Variants in TYR observed in about 807,000 individuals in gnomAD.
TYR encodes the protein tyrosinase, also known as LB24-AB.
TYR carries 58 observed loss-of-function variants against 51.5 expected under a neutral mutation model. That is an observed-to-expected ratio of 1.13 (90% CI 0.91 to 1.40). The LOEUF (loss-of-function observed/expected upper bound fraction) is 1.40. TYR is among the 40% of genes most tolerant of loss of function. TYR has a pLI of 0.00. For missense variants in TYR, 732 were observed against 647.4 expected, an observed-to-expected ratio of 1.13 and a Z score of -1.42; for synonymous variants, 263 against 235.2, an observed-to-expected ratio of 1.12 and a Z score of -1.08.
intron 3 of TYR, among the ~76,000 whole-genome samples, chr11:89,270,634 A>C (rs1008752714): frequency 6.6e-6 from 1 of 151,912 alleles, no homozygotes; most frequent in Non-Finnish European, 1.5e-5. Context: ...CCAAGTTCTG[A>C]TATCTAAACA....
intron 2 of TYR, 29 bp from the exon 3 acceptor site, chr11:89,227,794 T>C (rs1211670039): frequency 1.2e-6 from 2 of 1,601,202 alleles, no homozygotes; most frequent in Non-Finnish European, 1.7e-6. Flanking sequence ...AAAGTAAACA[T>C]ATTTTTTTCA....
chr11:89,274,873 G>C (rs1178002895), intron 3 of TYR, among the ~76,000 whole-genome samples: 1 of 151,680 alleles, frequency 6.6e-6, no homozygotes, highest in Non-Finnish European at 1.5e-5. Flanking sequence ...TTCACTGCCT[G>C]TTGTCAATGT....
intron 4 of TYR, among the ~76,000 whole-genome samples, chr11:89,289,081 T>C (rs949760992): frequency 6.6e-6 from 1 of 152,042 alleles, no homozygotes; most frequent in African/African-American, 2.4e-5. Flanking sequence ...CTCATATGTA[T>C]AACTAATTTA....
chr11:89,294,770 A>G (rs1353220489), intron 4 of TYR, among the ~76,000 whole-genome samples: 2 of 152,234 alleles, frequency 1.3e-5, no homozygotes, highest in African/African-American at 4.8e-5. Context: ...GGATTAGTGA[A>G]TGGTTAATGA....
chr11:89,250,768 AAAAACTT>A (rs1944323190), intron 3 of TYR, among the ~76,000 whole-genome samples: 1 of 151,912 alleles, frequency 6.6e-6, no homozygotes. Context: ...TAAGGTCTTT[AAAAACTT>A]TATCTTAAAA....
intron 3 of TYR, among the ~76,000 whole-genome samples, chr11:89,245,919 T>A (rs1944261361): frequency 9.3e-6 from 1 of 107,820 alleles, no homozygotes; most frequent in African/African-American, 3.7e-5. Flanking sequence ...AGACTCCATC[T>A]CAAAAAAAAA....
chr11:89,230,783 C>T (rs1944036137), intron 3 of TYR, among the ~76,000 whole-genome samples: 1 of 151,758 alleles, frequency 6.6e-6, no homozygotes, highest in Non-Finnish European at 1.5e-5. Flanking sequence ...AAAAGATGCT[C>T]AACATCACTA....
In TYR at chr11:89,226,056, A is replaced by C. The variant is rs552487062; in HGVS notation, c.1037-1767A>C. Among the ~76,000 whole-genome samples, 11 of 152,196 alleles carry C rather than the reference A, an allele frequency of 7.2e-5. No individual in the cohort carries two copies. In the South Asian group the frequency reaches 2.3e-3, roughly 31 times the overall value. On this transcript the variant is annotated intron_variant, in intron 2 of 4. Transcript: ENST00000263321. ...AAAAATCAGTTTGGGACCTACTTTA[A>C]AAAGTGTGAGAGTATACACTTTAAA...
intron 2 of TYR, among the ~76,000 whole-genome samples, chr11:89,225,406 C>A (rs1317257478): frequency 6.6e-6 from 1 of 151,676 alleles, no homozygotes; most frequent in African/African-American, 2.4e-5. Flanking sequence ...AATTTGTATC[C>A]TTAGACATAG....
At chr11:89,211,669 A>G (rs1943757923) in intron 2 of TYR, among the ~76,000 whole-genome samples, 1 of 151,432 alleles carries the variant, frequency 6.6e-6, no homozygotes, top group African/African-American at 2.4e-5. Context: ...GCACCACATC[A>G]CACTGTAAAA....
chr11:89,219,612 C>A (rs1309140636), intron 2 of TYR, among the ~76,000 whole-genome samples: 2 of 151,934 alleles, frequency 1.3e-5, no homozygotes, highest in Non-Finnish European at 1.5e-5. Context: ...TTAAAAGCAA[C>A]CTTTAGGATG....
intron 3 of TYR, among the ~76,000 whole-genome samples, chr11:89,249,837 G>T (rs1343227645): frequency 6.6e-6 from 1 of 152,004 alleles, no homozygotes; most frequent in Non-Finnish European, 1.5e-5. Context: ...GGAAAAAATT[G>T]CCACAGCAAG....
rs962091417 is a variant in TYR at position 89,263,010 on chromosome 11, G to A, written c.1185-21763G>A. Among the ~76,000 whole-genome samples the A allele has an allele frequency of 9.2e-5, 14 of 151,720 alleles. No homozygotes were observed. The East Asian group carries it at 2.7e-3, about 30-fold the overall frequency. ...GAACATTTCCTGACTTACTCTATGG[G>A]GCCAGTATTATCCTGTGAGCAAAGT... On this transcript the variant is annotated intron_variant, in intron 3 of 4. Coordinates refer to ENST00000263321, the MANE Select transcript of TYR (RefSeq NM_000372.5).
chr11:89,225,873 A>G (rs2135280437), intron 2 of TYR, among the ~76,000 whole-genome samples: 1 of 152,112 alleles, frequency 6.6e-6, no homozygotes, highest in East Asian at 1.9e-4. Flanking sequence ...ACACAAAGAA[A>G]AGATAAATGA....
At chr11:89,256,145 T>C (rs1298151550) in intron 3 of TYR, among the ~76,000 whole-genome samples, 1 of 151,804 alleles carries the variant, frequency 6.6e-6, no homozygotes, top group East Asian at 1.9e-4. Context: ...ATATTGTTAA[T>C]AAAACTGAAG....
chr11:89,249,483 A>AC (rs1222714164), intron 3 of TYR, among the ~76,000 whole-genome samples: 1 of 151,438 alleles, frequency 6.6e-6, no homozygotes, highest in Non-Finnish European at 1.5e-5. Context: ...AAAAAAAAAA[A>AC]AAAAAAACAG....
At chr11:89,234,182 C>G (rs1202760744) in intron 3 of TYR, among the ~76,000 whole-genome samples, 1 of 143,682 alleles carries the variant, frequency 7.0e-6, no homozygotes, top group East Asian at 2.0e-4. Context: ...GAAGACTTCT[C>G]TTTCCTTAAA....
intron 3 of TYR, among the ~76,000 whole-genome samples, chr11:89,271,962 G>A (rs542519027): frequency 1.4e-4 from 22 of 151,824 alleles, no homozygotes; most frequent in Non-Finnish European, 2.8e-4. Flanking sequence ...CATCTTCAGG[G>A]TCTACTTGTA....
At chr11:89,203,442 A>G (rs1943626226) in intron 2 of TYR, among the ~76,000 whole-genome samples, 1 of 152,220 alleles carries the variant, frequency 6.6e-6, no homozygotes, top group South Asian at 2.1e-4. Context: ...GTGTGAAACA[A>G]TGAAATTTTG....
Sources: allele counts gnomAD v4.1 joint callset (sites outside exome capture counted in the v4.1 genomes callset), GRCh38; gene constraint gnomAD v4.1.1; transcripts MANE v1.5; gene names NCBI Gene and HGNC (gene_info 2026-07-23, HGNC 2026-07-21).